Variants in HTR5A observed in about 807,000 individuals in gnomAD.
HTR5A encodes the protein 5-hydroxytryptamine receptor 5A.
HTR5A carries 21 observed loss-of-function variants against 24.3 expected under a neutral mutation model. The ratio of observed to expected loss-of-function variants is 0.86; its 90% confidence interval spans 0.61 to 1.24. HTR5A has a LOEUF of 1.24. Among genes scored for constraint, HTR5A ranks in the 50% most tolerant of loss-of-function variants. The pLI, the probability that HTR5A is intolerant of heterozygous loss-of-function variation, is 0.00. For synonymous variants in HTR5A, 260 were observed against 213.7 expected, an observed-to-expected ratio of 1.22 and a Z score of -1.89; for missense variants, 497 against 489.5, an observed-to-expected ratio of 1.02 and a Z score of -0.15.
In HTR5A at chr7:155,070,859, C is replaced by T. The variant is rs371657785; in HGVS notation, c.-41C>T. On this transcript the variant is annotated 5_prime_UTR_variant, in exon 1 of 2. Transcript: ENST00000287907. Reference sequence around the variant, plus strand: ...TGGCCGCCTTAAGTCCTCCTGAACACCCCTTCTGCAAGTACCCCAGGGCGG... The same window carrying T: ...TGGCCGCCTTAAGTCCTCCTGAACATCCCTTCTGCAAGTACCCCAGGGCGG... 6.4e-7 allele frequency: 1 copy of T among 1,562,294 alleles called. No individual in the cohort carries two copies. Among genetic ancestry groups the T allele is most frequent in the Non-Finnish European group, 8.6e-7 (1 of 1,157,680 alleles).
chr7:155,087,007 T>G lies in HTR5A; in HGVS notation c.*2520T>G, dbSNP rs946629460. 6.6e-6 allele frequency among the ~76,000 whole-genome samples: 1 copy of G among 152,150 alleles called. No individual in the cohort carries two copies. The highest frequency in any genetic ancestry group is 1.5e-5 in the Non-Finnish European group (1 of 68,014). On this transcript the variant is annotated 3_prime_UTR_variant, in exon 2 of 2. Transcript: ENST00000287907. ...ACTGAGGTGAACCAATCCAAAGCCC[T>G]CCTTTCAGCTCTTGTAGAATATGTC...
At chr7:155,081,202 G>A (rs1164171613) in intron 1 of HTR5A, among the ~76,000 whole-genome samples, 3 of 152,082 alleles carry the variant, frequency 2.0e-5, no homozygotes, top group African/African-American at 7.2e-5. Context: ...CAGTGATGTG[G>A]TCTAACTTGC....
Position 155,084,724 on chromosome 7 carries a change from A to G in HTR5A, c.*237A>G. 2.1e-6 allele frequency: 1 copy of G among 487,456 alleles called. No homozygotes were observed. Among genetic ancestry groups the G allele is most frequent in the Non-Finnish European group, 3.6e-6 (1 of 277,586 alleles). 30.2% of individuals were successfully genotyped at this position (487,456 alleles called of 1,614,324 possible). On this transcript the variant is annotated 3_prime_UTR_variant, in exon 2 of 2. Transcript: ENST00000287907. The stretch of plus-strand genomic sequence containing the variant: ...ATCTACTATCCCTTTCTCTGTGCTG[A>G]CAGTCATGGTCTTTGCCCGCAAAGT...
chr7:155,082,596 A>G (rs1183650238), intron 1 of HTR5A, among the ~76,000 whole-genome samples: 1 of 152,210 alleles, frequency 6.6e-6, no homozygotes, highest in African/African-American at 2.4e-5. Flanking sequence ...GGGGAAGGAG[A>G]CTTTCCAGAG....
At chr7:155,080,739 G>A (rs1247453143) in intron 1 of HTR5A, among the ~76,000 whole-genome samples, 3 of 152,228 alleles carry the variant, frequency 2.0e-5, no homozygotes, top group Non-Finnish European at 2.9e-5. Flanking sequence ...GTAGCAGCAG[G>A]CTGACATCAG....
At chr7:155,075,786 G>T (rs1795353100) in intron 1 of HTR5A, among the ~76,000 whole-genome samples, 1 of 152,162 alleles carries the variant, frequency 6.6e-6, no homozygotes, top group African/African-American at 2.4e-5. Context: ...GTTGTGGCCT[G>T]GGAGCTTAGG....
At chr7:155,078,988 C>A (rs987124815) in intron 1 of HTR5A, among the ~76,000 whole-genome samples, 1 of 150,348 alleles carries the variant, frequency 6.7e-6, no homozygotes, top group African/African-American at 2.5e-5. Context: ...CAGGGTCTTG[C>A]TCTGTTGCCC....
chr7:155,075,638 C>T (rs936568157), intron 1 of HTR5A, among the ~76,000 whole-genome samples: 9 of 152,130 alleles, frequency 5.9e-5, no homozygotes, highest in African/African-American at 9.7e-5. Flanking sequence ...CCTTTTTCTT[C>T]TAGCTTAAAT....
chr7:155,079,313 A>C (rs1795391298), intron 1 of HTR5A, among the ~76,000 whole-genome samples: 1 of 152,096 alleles, frequency 6.6e-6, no homozygotes, highest in Non-Finnish European at 1.5e-5. Context: ...AATTCTATAA[A>C]TCTGATTTTT....
Position 155,070,574 on chromosome 7 carries a change from G to C in HTR5A, c.-326G>C. The C allele has an allele frequency of 2.5e-6, 1 of 401,608 alleles. No individual in the cohort carries two copies. The highest frequency in any genetic ancestry group is 4.6e-6 in the Non-Finnish European group (1 of 215,188). The allele number at this position is 401,608 out of a possible 1,614,324, so 24.9% of individuals were successfully genotyped here. On this transcript the variant is annotated 5_prime_UTR_variant, in exon 1 of 2. Coordinates refer to ENST00000287907, the MANE Select transcript of HTR5A (RefSeq NM_024012.4). The stretch of plus-strand genomic sequence containing the variant: ...CTTCTCCCCGATCTGGGAGATGCTC[G>C]GCTCTGGGCGGCCAAACAGCCTTTC...
At chr7:155,072,041 G>C (rs989764373) in intron 1 of HTR5A, among the ~76,000 whole-genome samples, 2 of 152,208 alleles carry the variant, frequency 1.3e-5, no homozygotes, top group Non-Finnish European at 2.9e-5. Flanking sequence ...TAGAATGGGG[G>C]TGTTCCAGGA....
chr7:155,079,573 ATC>A (rs1217267484), intron 1 of HTR5A, among the ~76,000 whole-genome samples: 2 of 152,368 alleles, frequency 1.3e-5, no homozygotes, highest in Non-Finnish European at 2.9e-5. Flanking sequence ...TCTCTTAAAT[ATC>A]TTAACTCACT....
chr7:155,070,926 CT>C lies in HTR5A; in HGVS notation c.31del (p.Ser11ProfsTer86). 1 of 1,605,430 alleles carries C rather than the reference CT, an allele frequency of 6.2e-7. No homozygotes were observed. MDLPVNLTS[F>X]SLSTPSPLET... Reference sequence around the variant, plus strand: ...TGGATTTACCTGTGAACCTAACCTCCTTTTCCCTCTCCACCCCCTCCCCTTT... The same window carrying C: ...TGGATTTACCTGTGAACCTAACCTCCTTTCCCTCTCCACCCCCTCCCCTTT... On this transcript the variant is annotated frameshift_variant, in exon 1 of 2. Transcript: ENST00000287907. LOFTEE classifies it high-confidence loss of function.
At chr7:155,078,663 T>C (rs1795383252) in intron 1 of HTR5A, among the ~76,000 whole-genome samples, 1 of 151,892 alleles carries the variant, frequency 6.6e-6, no homozygotes, top group Non-Finnish European at 1.5e-5. Flanking sequence ...AAAGAAAGCC[T>C]TCTAAAATTA....
chr7:155,073,323 G>GAAAAAAA (rs66715434), intron 1 of HTR5A, among the ~76,000 whole-genome samples: 50,539 of 108,714 alleles, frequency 0.46, 14,433 homozygotes, highest in South Asian at 0.59. Flanking sequence ...TCTGTCTCAA[G>GAAAAAAA]AAAAAAAAAA....
At chr7:155,073,893 A>ATATATATACG (rs1563419610) in intron 1 of HTR5A, among the ~76,000 whole-genome samples, 327 of 10,286 alleles carry the variant, frequency 0.032, 3 homozygotes, top group African/African-American at 0.033. Context: ...ATATATGTAT[A>ATATATATACG]TATATATATA....
In HTR5A at chr7:155,085,955, G is replaced by T. The variant is rs115546398; in HGVS notation, c.*1468G>T. 0.013 allele frequency among the ~76,000 whole-genome samples: 2,029 copies of T among 152,250 alleles called. 42 individuals are homozygous for T. The highest frequency in any genetic ancestry group is 0.041 in the African/African-American group (1,701 of 41,540). ...AGTCACAATTAATATGCTAAATGCA[G>T]ATCTTTATGCATTCAAGCAGATTCA... On this transcript the variant is annotated 3_prime_UTR_variant, in exon 2 of 2. Coordinates refer to ENST00000287907, the MANE Select transcript of HTR5A (RefSeq NM_024012.4).
Position 155,087,301 on chromosome 7 carries a change from G to A in HTR5A, c.*2814G>A, listed in dbSNP as rs1290689971. 2.0e-5 allele frequency among the ~76,000 whole-genome samples: 3 copies of A among 152,120 alleles called. No homozygotes were observed. The highest frequency in any genetic ancestry group is 1.3e-4 in the Admixed American group (2 of 15,280). ...GCTTCCGTGTTTGTCTGTTGGATTTGCAGTTCCCTGCTCACAGCCAAAGAG... is the reference window on the plus strand; with the variant it reads ...GCTTCCGTGTTTGTCTGTTGGATTTACAGTTCCCTGCTCACAGCCAAAGAG... On this transcript the variant is annotated 3_prime_UTR_variant, in exon 2 of 2. Coordinates refer to ENST00000287907, the MANE Select transcript of HTR5A (RefSeq NM_024012.4).
chr7:155,083,700 A>G (rs576250477), intron 1 of HTR5A, among the ~76,000 whole-genome samples: 177 of 152,338 alleles, frequency 1.2e-3, no homozygotes, highest in Non-Finnish European at 2.0e-3. Context: ...GCTTTATGCC[A>G]GAGGAAAAGT....
Sources: gnomAD v4.1 joint callset for allele counts (sites outside exome capture counted in the v4.1 genomes callset) on GRCh38, gnomAD v4.1.1 for gene constraint, MANE v1.5 for transcripts, NCBI Gene and HGNC (gene_info 2026-07-23, HGNC 2026-07-21) for gene names.